The following PHTF1 variants were observed in gnomAD, a reference collection of about 807,000 sequenced individuals.
PHTF1 encodes the protein protein PHTF1.
PHTF1 carries 88 observed loss-of-function variants against 102.4 expected under a neutral mutation model. The observed-to-expected ratio is 0.86, with a 90% CI of 0.72 to 1.03. The LOEUF is 1.03. Among genes scored for constraint, PHTF1 ranks in the 50% least tolerant of loss-of-function variants. The pLI is 0.00. For missense variants in PHTF1, 814 were observed against 909.5 expected, an observed-to-expected ratio of 0.89 and a Z score of 1.35; for synonymous variants, 289 against 305.2, an observed-to-expected ratio of 0.95 and a Z score of 0.55.
intron 5 of PHTF1, among the ~76,000 whole-genome samples, chr1:113,731,902 T>TAAAAAAA (rs562312013): frequency 9.1e-6 from 1 of 109,328 alleles, no homozygotes; most frequent in Non-Finnish European, 1.9e-5. Flanking sequence ...GTCTCAATTT[T>TAAAAAAA]AAAAAAAAAA....
chr1:113,746,092 A>G (rs1571236797), intron 3 of PHTF1, among the ~76,000 whole-genome samples: 1 of 152,196 alleles, frequency 6.6e-6, no homozygotes, highest in Non-Finnish European at 1.5e-5. Context: ...AAATATGTAA[A>G]GCACTAAACC....
chr1:113,713,459 A>G (rs1322487686), intron 7 of PHTF1, 21 bp from the exon 8 acceptor site: 1 of 1,383,266 alleles, frequency 7.2e-7, no homozygotes, highest in Non-Finnish European at 1.0e-6. Flanking sequence ...AAAAAGGAAA[A>G]GAAGATTAAT....
At chr1:113,753,100 T>C in intron 3 of PHTF1, among the ~76,000 whole-genome samples, 1 of 152,258 alleles carries the variant, frequency 6.6e-6, no homozygotes, top group East Asian at 1.9e-4. Flanking sequence ...TTCAAATTAA[T>C]GCATTCCCAG....
At chr1:113,753,965 C>T (rs1658478215) in intron 3 of PHTF1, among the ~76,000 whole-genome samples, 1 of 152,178 alleles carries the variant, frequency 6.6e-6, no homozygotes, top group Non-Finnish European at 1.5e-5. Context: ...GCCACCATGC[C>T]CAGCAACTAG....
At chr1:113,752,959 A>G (rs1234236650) in intron 3 of PHTF1, among the ~76,000 whole-genome samples, 3 of 152,222 alleles carry the variant, frequency 2.0e-5, no homozygotes, top group Non-Finnish European at 4.4e-5. Flanking sequence ...ACTATGTTGA[A>G]GAAGTTCCCC....
At chr1:113,724,631 G>GC in intron 7 of PHTF1, 128 bp downstream of exon 7, 2 of 552,086 alleles carry the variant, frequency 3.6e-6, no homozygotes, top group Non-Finnish European at 5.9e-6. Flanking sequence ...TTTTGAGTAA[G>GC]CAAGCCCTCT....
chr1:113,722,807 C>A (rs1256910378), intron 7 of PHTF1, among the ~76,000 whole-genome samples: 1 of 151,088 alleles, frequency 6.6e-6, no homozygotes, highest in African/African-American at 2.4e-5. Context: ...CCTGTAATCC[C>A]AGCTACTCGG....
At chr1:113,718,935 T>C (rs928461972) in intron 7 of PHTF1, among the ~76,000 whole-genome samples, 3 of 152,230 alleles carry the variant, frequency 2.0e-5, no homozygotes, top group Non-Finnish European at 4.4e-5. Context: ...GTTAGGCTCC[T>C]TGCTACTTAT....
intron 16 of PHTF1, chr1:113,700,250 C>CA (rs887792343): frequency 0.019 from 11,210 of 600,874 alleles, no homozygotes; most frequent in Non-Finnish European, 0.021. Context: ...GATTCTAAGA[C>CA]AAAAAAAAAA....
intron 5 of PHTF1, among the ~76,000 whole-genome samples, chr1:113,731,226 T>A (rs79994487): frequency 6.6e-6 from 1 of 152,024 alleles, no homozygotes; most frequent in Non-Finnish European, 1.5e-5. Context: ...GCAGGCCTTA[T>A]AAGAAAAAAA....
intron 16 of PHTF1, chr1:113,700,083 C>A: frequency 9.3e-7 from 1 of 1,079,760 alleles, no homozygotes; most frequent in Non-Finnish European, 1.1e-6. Context: ...ATAATTAGCA[C>A]GTAAGCACCT....
At chr1:113,706,807 A>G (rs1178183710) in intron 11 of PHTF1, 85 bp from the exon 12 acceptor site, 1 of 889,612 alleles carries the variant, frequency 1.1e-6, no homozygotes, top group South Asian at 1.8e-5. Context: ...TCATTTGCCA[A>G]CACTCTAATA....
Position 113,697,446 on chromosome 1 carries a change from T to C in PHTF1, c.*259A>G. 1 of 376,520 alleles carries C rather than the reference T, an allele frequency of 2.7e-6. No homozygotes were observed. Among genetic ancestry groups the C allele is most frequent in the Admixed American group, 4.4e-5 (1 of 22,622 alleles). 23.3% of individuals were successfully genotyped at this position (376,520 alleles called of 1,614,324 possible). Reference sequence around the variant, plus strand: ...GCAAACTTACAAAATTGTCTTTGTGTTACCACAACACACACAGTCTTTAGT... The same window carrying C: ...GCAAACTTACAAAATTGTCTTTGTGCTACCACAACACACACAGTCTTTAGT... On this transcript the variant is annotated 3_prime_UTR_variant, in exon 19 of 19. Transcript: ENST00000369604.
At chr1:113,716,370 T>TG (rs1162874118) in intron 7 of PHTF1, among the ~76,000 whole-genome samples, 1 of 142,452 alleles carries the variant, frequency 7.0e-6, no homozygotes, top group Non-Finnish European at 1.5e-5. Flanking sequence ...TTTTTTGAGA[T>TG]GGGGATCTCA....
intron 3 of PHTF1, among the ~76,000 whole-genome samples, chr1:113,739,150 G>A (rs1428010127): frequency 6.6e-6 from 1 of 152,096 alleles, no homozygotes; most frequent in African/African-American, 2.4e-5. Flanking sequence ...TCTGCGCCCA[G>A]CCAGAAAAGC....
Position 113,696,976 on chromosome 1 carries a change from T to C in PHTF1, c.*729A>G, listed in dbSNP as rs997137952. 2.6e-5 allele frequency: 4 copies of C among 152,212 alleles called. No individual in the cohort carries two copies. The highest frequency in any genetic ancestry group is 7.2e-5 in the African/African-American group (3 of 41,444). 9.4% of individuals were successfully genotyped at this position (152,212 alleles called of 1,614,324 possible). The stretch of plus-strand genomic sequence containing the variant: ...AAACAATGCTTCCATGGCTTCCACA[T>C]AGAACGTGGAAACCATGTTGTATGA... On this transcript the variant is annotated 3_prime_UTR_variant, in exon 19 of 19. Coordinates refer to ENST00000369604, the MANE Select transcript of PHTF1 (RefSeq NM_001323043.2).
intron 11 of PHTF1, 116 bp downstream of exon 11, chr1:113,710,138 G>C: frequency 1.1e-5 from 8 of 741,022 alleles, no homozygotes; most frequent in Non-Finnish European, 1.8e-5. Flanking sequence ...CTAAACTGGG[G>C]ATAATAATAG....
In PHTF1 at chr1:113,700,778, C is replaced by A. The variant is rs763916396; in HGVS notation, c.2046+16G>T. The A allele has an allele frequency of 5.0e-6, 8 of 1,611,274 alleles. No individual in the cohort carries two copies. In the African/African-American group the frequency reaches 9.4e-5, roughly 19 times the overall value. ...ACCCCTAACCACTAAACCCAATTGACAGGACTGATCAATACCTGTTCTGTA... is the reference window on the plus strand; with the variant it reads ...ACCCCTAACCACTAAACCCAATTGAAAGGACTGATCAATACCTGTTCTGTA... On this transcript the variant is annotated intron_variant, in intron 16 of 18. Coordinates refer to ENST00000369604, the MANE Select transcript of PHTF1 (RefSeq NM_001323043.2).
chr1:113,756,653 T>C (rs1423243600), intron 3 of PHTF1, among the ~76,000 whole-genome samples: 1 of 152,162 alleles, frequency 6.6e-6, no homozygotes, highest in Non-Finnish European at 1.5e-5. Flanking sequence ...CAAGCAACCA[T>C]TCCATGATGA....
Sources: allele counts gnomAD v4.1 joint callset (sites outside exome capture counted in the v4.1 genomes callset), GRCh38; gene constraint gnomAD v4.1.1; transcripts MANE v1.5; gene names NCBI Gene and HGNC (gene_info 2026-07-23, HGNC 2026-07-21).